RANBP3L: variants seen among roughly 807,000 people sequenced by gnomAD.
RANBP3L encodes RAN binding protein 3 like.
Under a neutral mutation model 67.2 loss-of-function variants are expected in RANBP3L, and 56 were observed. That is an observed-to-expected ratio of 0.83 (90% confidence interval 0.67 to 1.04). The LOEUF (loss-of-function observed/expected upper bound fraction) is 1.04, where lower values mean the gene tolerates loss of function less well. Among genes scored for constraint, RANBP3L ranks in the 50% least tolerant of loss-of-function variants. The pLI is 0.00. For missense variants in RANBP3L, 496 were observed against 535.5 expected, an observed-to-expected ratio of 0.93 and a Z score of 0.73; for synonymous variants, 164 against 181.4, an observed-to-expected ratio of 0.90 and a Z score of 0.77.
intron 10 of RANBP3L, among the ~76,000 whole-genome samples, chr5:36,255,989 A>T (rs1452303849): frequency 6.6e-6 from 1 of 152,104 alleles, no homozygotes; most frequent in Admixed American, 6.6e-5. Flanking sequence ...CTGATTTTTT[A>T]ACACTATGTC....
intron 1 of RANBP3L, among the ~76,000 whole-genome samples, chr5:36,283,167 C>T (rs1187376684): frequency 2.0e-5 from 3 of 152,042 alleles, no homozygotes; most frequent in African/African-American, 7.2e-5. Flanking sequence ...AAGTAATTCT[C>T]GTGCCTCAGC....
At chr5:36,294,883 C>A (rs1347110078) in intron 1 of RANBP3L, among the ~76,000 whole-genome samples, 1 of 146,982 alleles carries the variant, frequency 6.8e-6, no homozygotes, top group Admixed American at 6.9e-5. Flanking sequence ...TGTATATATA[C>A]ACTATATATA....
At position 36,251,379 on chromosome 5, in the gene RANBP3L, G is replaced by T. The variant is rs147215462; in HGVS notation, c.1288C>A (p.Gln430Lys). ...QAESLSETAQ[Q>K]LNCESCDENE... is the part of the protein sequence containing the mutation. ...TCATCACAGCTTTCGCAGTTCAATT[G>T]TTGGGCTGTTTCTGACAGGCTTTCA... is the stretch of plus-strand genomic sequence containing the variant. Residue 430 changes from glutamine (Q) to lysine (K), a missense_variant, in exon 13 of 14, where the codon CAA becomes AAA. Gln to Lys is a moderately conservative substitution (Grantham distance 53). Coordinates refer to ENST00000296604, the MANE Select transcript of RANBP3L (RefSeq NM_145000.5). The T allele has an allele frequency of 5.6e-6, 9 of 1,613,336 alleles. No individual in the cohort carries two copies. Among genetic ancestry groups the T allele is most frequent in the African/African-American group, 5.3e-5 (4 of 74,888 alleles).
At chr5:36,285,962 A>C (rs1193059539) in intron 1 of RANBP3L, among the ~76,000 whole-genome samples, 60 of 152,190 alleles carry the variant, frequency 3.9e-4, no homozygotes, top group Non-Finnish European at 1.3e-4. Context: ...CAGTGCCCAA[A>C]GCTTTATACT....
intron 6 of RANBP3L, among the ~76,000 whole-genome samples, chr5:36,264,200 C>T (rs1472689494): frequency 6.6e-6 from 1 of 152,114 alleles, no homozygotes; most frequent in Non-Finnish European, 1.5e-5. Flanking sequence ...TCCTTATGTT[C>T]ACTAAGGGAA....
intron 12 of RANBP3L, among the ~76,000 whole-genome samples, 198 bp downstream of exon 12, chr5:36,253,449 C>G (rs949759987): frequency 6.6e-6 from 1 of 151,970 alleles, no homozygotes; most frequent in South Asian, 2.1e-4. Flanking sequence ...GAATGAGTAC[C>G]AATTGATTAC....
chr5:36,271,389 C>CT (rs5867310), intron 1 of RANBP3L, 78 bp from the exon 2 acceptor site: 51 of 817,828 alleles, frequency 6.2e-5, no homozygotes, highest in East Asian at 5.7e-4. Context: ...TATTTGAAGA[C>CT]TTTTTTTTTT....
At position 36,248,300 on chromosome 5, in the gene RANBP3L, C is replaced by G. The variant is rs948401276; in HGVS notation, c.*1354G>C. ...TAGAATCACTGGAAGAATGAATGGG[C>G]CTCTCTTAGTAGTTATATTAAGTTA... On this transcript the variant is annotated 3_prime_UTR_variant, in exon 14 of 14. Transcript: ENST00000296604. The G allele has an allele frequency of 1.3e-5, 2 of 151,938 alleles. No individual in the cohort carries two copies. Among genetic ancestry groups the G allele is most frequent in the South Asian group, 4.2e-4 (2 of 4,812 alleles). The allele number at this position is 151,938 out of a possible 1,614,324, so 9.4% of individuals were successfully genotyped here.
At chr5:36,265,396 T>C (rs533830682) in intron 5 of RANBP3L, 53 bp downstream of exon 5, 60 of 1,187,878 alleles carry the variant, frequency 5.1e-5, no homozygotes, top group Non-Finnish European at 7.3e-5. Flanking sequence ...GAGATGAAAA[T>C]ATAGGTGGTA....
At chr5:36,271,140 A>G (rs1000890998) in intron 2 of RANBP3L, 113 bp downstream of exon 2, 4 of 690,328 alleles carry the variant, frequency 5.8e-6, no homozygotes, top group Non-Finnish European at 1.0e-5. Context: ...CTACTCTGCT[A>G]GTAAAGAACA....
chr5:36,249,741 T>C (rs1748468830), intron 13 of RANBP3L, 44 bp from the exon 14 acceptor site: 1 of 1,080,842 alleles, frequency 9.3e-7, no homozygotes, highest in African/African-American at 1.6e-5. Flanking sequence ...ATATTATATT[T>C]AGGGTAGATT....
In RANBP3L at chr5:36,256,923, A is replaced by G. The variant is rs1476021628; in HGVS notation, c.903+18T>C. 2.5e-6 allele frequency: 4 copies of G among 1,602,806 alleles called. No individual in the cohort carries two copies. The highest frequency in any genetic ancestry group is 3.4e-6 in the Non-Finnish European group (4 of 1,174,058). ...GTATGTAAATGCTACCAGAAAGAGT[A>G]AAACATGATATACAGACCTTTAACA... On this transcript the variant is annotated intron_variant, in intron 10 of 13. Transcript: ENST00000296604.
At position 36,256,965 on chromosome 5, in the gene RANBP3L, C is replaced by G. The variant is rs1749023646; in HGVS notation, c.879G>C (p.Glu293Asp). The change falls in exon 10 of 14, where the codon GAG becomes GAC. Residue 293 changes from glutamate (E) to aspartate (D), a missense_variant. Transcript: ENST00000296604. ...CCTTTAACACATTATGTTCTGTTTC[C>G]TCCCCTGTTATAACATCAATTTTCT... ...LLEKIDVITG[E>D]ETEHNVLKIN... is the part of the protein sequence containing the mutation. 1 of 1,612,922 alleles carries G rather than the reference C, an allele frequency of 6.2e-7. No individual in the cohort carries two copies. The highest frequency in any genetic ancestry group is 8.5e-7 in the Non-Finnish European group (1 of 1,179,330).
intron 1 of RANBP3L, among the ~76,000 whole-genome samples, chr5:36,299,477 C>G (rs1752473420): frequency 6.6e-6 from 1 of 151,718 alleles, no homozygotes; most frequent in South Asian, 2.1e-4. Context: ...TATTTTTCAC[C>G]TATAAAATTG....
At chr5:36,301,235 C>T in intron 1 of RANBP3L, 91 bp downstream of exon 1, 1 of 907,686 alleles carries the variant, frequency 1.1e-6, no homozygotes, top group African/African-American at 1.6e-5. Context: ...GTCAGAGCTT[C>T]CCCGGGTCCT....
At chr5:36,293,511 C>T (rs1212714248) in intron 1 of RANBP3L, among the ~76,000 whole-genome samples, 1 of 151,348 alleles carries the variant, frequency 6.6e-6, no homozygotes, top group Non-Finnish European at 1.5e-5. Flanking sequence ...CAGTTTTTGC[C>T]CATTCAGTAT....
chr5:36,298,658 T>C (rs1162186188), intron 1 of RANBP3L, among the ~76,000 whole-genome samples: 1 of 152,210 alleles, frequency 6.6e-6, no homozygotes. Context: ...CCAGCTCAAA[T>C]CACTAGATGA....
Position 36,253,888 on chromosome 5 carries a change from CTG to C in RANBP3L, c.1025-101_1025-100del, listed in dbSNP as rs1748778596. 2.0e-5 allele frequency: 24 copies of C among 1,186,258 alleles called. 1 individual carries two copies. The South Asian group carries it at 4.0e-4, about 20-fold the overall frequency. 73.5% of individuals were successfully genotyped at this position (1,186,258 alleles called of 1,614,324 possible). ...ATAAATCTTGTAGTTGTTTTTCAGA[CTG>C]TAGATTCAATACTAACTTGTGATTT... On this transcript the variant is annotated intron_variant, in intron 11 of 13. Coordinates refer to ENST00000296604, the MANE Select transcript of RANBP3L (RefSeq NM_145000.5).
At chr5:36,282,492 A>G (rs1164103652) in intron 1 of RANBP3L, among the ~76,000 whole-genome samples, 1 of 152,214 alleles carries the variant, frequency 6.6e-6, no homozygotes, top group Admixed American at 6.5e-5. Context: ...CCTTTGGTGA[A>G]GAAACATACT....
Sources: gnomAD v4.1 joint callset for allele counts (sites outside exome capture counted in the v4.1 genomes callset) on GRCh38, gnomAD v4.1.1 for gene constraint, MANE v1.5 for transcripts, NCBI Gene and HGNC (gene_info 2026-07-23, HGNC 2026-07-21) for gene names.